RFPL1: variants seen among roughly 807,000 people sequenced by gnomAD.
RFPL1 encodes ret finger protein-like 1.
A neutral mutation model predicts 9.6 loss-of-function variants in RFPL1; 6 were observed. The observed-to-expected ratio is 0.62, with a 90% CI of 0.34 to 1.23. RFPL1 has a LOEUF of 1.23. Among genes scored for constraint, RFPL1 ranks in the 50% most tolerant of loss-of-function variants. The pLI is 0.03. For synonymous variants in RFPL1, 145 were observed against 149.4 expected (o/e 0.97, Z 0.22); for missense variants, 352 against 398.4 (o/e 0.88, Z 0.99).
chr22:29,393,630 C>T, the RFPL1 span, among the ~76,000 whole-genome samples: 1 of 152,170 alleles, frequency 6.6e-6, no homozygotes, highest in South Asian at 2.1e-4. Context: ...CCAGGAGAAA[C>T]TCCTTGCCCT....
chr22:29,413,597 C>A, the RFPL1 span, among the ~76,000 whole-genome samples: 2 of 152,038 alleles, frequency 1.3e-5, no homozygotes, highest in African/African-American at 4.8e-5. Context: ...ATGTTTATAC[C>A]AGATAAGCTA....
At chr22:29,388,209 G>T in the RFPL1 span, among the ~76,000 whole-genome samples, 1 of 152,220 alleles carries the variant, frequency 6.6e-6, no homozygotes. Flanking sequence ...GGTGCTGCGG[G>T]TATGGGGCGG....
chr22:29,426,904 A>C, the RFPL1 span, among the ~76,000 whole-genome samples: 2 of 152,114 alleles, frequency 1.3e-5, no homozygotes, highest in Non-Finnish European at 2.9e-5. Context: ...TCGAGAGAGG[A>C]GTCTGGCGTT....
At chr22:29,396,020 A>AAAGAG in the RFPL1 span, among the ~76,000 whole-genome samples, 2,732 of 151,920 alleles carry the variant, frequency 0.018, 74 homozygotes, top group African/African-American at 0.061. Flanking sequence ...AAGAGAAAGA[A>AAAGAG]AAGAGAAGAG....
chr22:29,439,155 A>G, exon 1 of RFPL1: 1 of 1,613,940 alleles, frequency 6.2e-7, no homozygotes, highest in Non-Finnish European at 8.5e-7. Context: ...AAGGATGCGG[A>G]AGTTCCAAGG....
At chr22:29,426,212 A>C in the RFPL1 span, among the ~76,000 whole-genome samples, 1 of 151,610 alleles carries the variant, frequency 6.6e-6, no homozygotes, top group Non-Finnish European at 1.5e-5. Flanking sequence ...AATCCCAGCT[A>C]TTTGGGAGGC....
At chr22:29,416,356 G>A in the RFPL1 span, among the ~76,000 whole-genome samples, 1 of 152,128 alleles carries the variant, frequency 6.6e-6, no homozygotes, top group African/African-American at 2.4e-5. Flanking sequence ...TGCAGGTGGG[G>A]GCTGGGGAGG....
chr22:29,403,426 A>T, the RFPL1 span, among the ~76,000 whole-genome samples: 5 of 152,208 alleles, frequency 3.3e-5, no homozygotes, highest in African/African-American at 1.2e-4. Flanking sequence ...GGAGGATTAC[A>T]GCCTGGGGAT....
At chr22:29,415,025 C>G in the RFPL1 span, among the ~76,000 whole-genome samples, 1 of 152,064 alleles carries the variant, frequency 6.6e-6, no homozygotes, top group African/African-American at 2.4e-5. Context: ...GATAAAGGCA[C>G]GCCCGTTCGT....
intron 1 of RFPL1, chr22:29,440,521 T>C (rs918393218): frequency 3.9e-5 from 6 of 152,208 alleles, no homozygotes. Flanking sequence ...TTGACCTTTG[T>C]ATTTACTGCC....
the RFPL1 span, among the ~76,000 whole-genome samples, chr22:29,406,111 T>G: frequency 0.99 from 90,953 of 91,866 alleles, 45,020 homozygotes; most frequent in Middle Eastern, 1. Flanking sequence ...GCGAGACTCC[T>G]TCTCAAAAAA....
the RFPL1 span, among the ~76,000 whole-genome samples, chr22:29,415,686 G>T: frequency 6.6e-6 from 1 of 152,180 alleles, no homozygotes; most frequent in South Asian, 2.1e-4. Flanking sequence ...CGGCAGACTT[G>T]CGTCTCAAGA....
chr22:29,439,517 C>T, intron 1 of RFPL1: 5 of 232,938 alleles, frequency 2.1e-5, no homozygotes, highest in South Asian at 1.5e-4. Flanking sequence ...CCTGTAGTCC[C>T]AGCTACTTGG....
the RFPL1 span, among the ~76,000 whole-genome samples, chr22:29,432,032 A>T: frequency 6.6e-6 from 1 of 151,918 alleles, no homozygotes; most frequent in East Asian, 1.9e-4. Flanking sequence ...TTTTTCTCAT[A>T]CCTCTTCAAA....
the RFPL1 span, among the ~76,000 whole-genome samples, chr22:29,406,344 T>C: frequency 2.0e-5 from 3 of 151,978 alleles, no homozygotes; most frequent in African/African-American, 4.8e-5. Flanking sequence ...AACTCATGAG[T>C]CTTCTTAAGC....
the RFPL1 span, among the ~76,000 whole-genome samples, chr22:29,395,027 T>A: frequency 2.0e-5 from 3 of 152,144 alleles, no homozygotes; most frequent in African/African-American, 7.2e-5. Flanking sequence ...CCTCAGCAAG[T>A]CCCTTCCCCT....
chr22:29,390,582 TTTTA>T, the RFPL1 span, among the ~76,000 whole-genome samples: 13 of 146,836 alleles, frequency 8.9e-5, no homozygotes, highest in South Asian at 6.5e-4. Context: ...CTTATTCCAT[TTTTA>T]TTTATTTATT....
chr22:29,408,766 CTGTT>C, the RFPL1 span, among the ~76,000 whole-genome samples: 6 of 152,196 alleles, frequency 3.9e-5, no homozygotes, highest in African/African-American at 1.2e-4. Context: ...CACTTACAAA[CTGTT>C]TGGTAGTGAG....
the RFPL1 span, among the ~76,000 whole-genome samples, chr22:29,425,137 G>C: frequency 6.7e-6 from 1 of 149,796 alleles, no homozygotes; most frequent in South Asian, 2.1e-4. Flanking sequence ...CCGGGAGGTG[G>C]AGCTTGCAGT....
Sources: allele counts gnomAD v4.1 joint callset (sites outside exome capture counted in the v4.1 genomes callset), GRCh38; gene constraint gnomAD v4.1.1; transcripts MANE v1.5; gene names NCBI Gene and HGNC (gene_info 2026-07-23, HGNC 2026-07-21).